CD163: variants seen among roughly 807,000 people sequenced by gnomAD.
CD163 encodes the protein scavenger receptor cysteine-rich type 1 protein M130.
CD163 carries 64 observed loss-of-function variants against 129.2 expected under a neutral mutation model. That is an observed-to-expected ratio of 0.50 (90% CI 0.41 to 0.61). CD163 has a LOEUF of 0.61. Among genes scored for constraint, CD163 ranks in the 20% least tolerant of loss-of-function variants. The pLI, the probability that CD163 is intolerant of heterozygous loss-of-function variation, is 0.00. For synonymous variants in CD163, 446 were observed against 478.5 expected, an observed-to-expected ratio of 0.93 and a Z score of 0.89; for missense variants, 1,061 against 1,377.9, an observed-to-expected ratio of 0.77 and a Z score of 3.64.
At chr12:7,472,303 A>G (rs1257769460) in intron 16 of CD163, among the ~76,000 whole-genome samples, 1 of 152,194 alleles carries the variant, frequency 6.6e-6, no homozygotes, top group Non-Finnish European at 1.5e-5. Flanking sequence ...AGGGGTCAAC[A>G]GACACCTCAT....
chr12:7,490,635 G>T (rs951501928), intron 6 of CD163, among the ~76,000 whole-genome samples: 1 of 151,856 alleles, frequency 6.6e-6, no homozygotes, highest in Non-Finnish European at 1.5e-5. Flanking sequence ...TACACCATCA[G>T]CCCTTGCCAA....
Position 7,502,481 on chromosome 12 carries a change from G to A in CD163, c.130C>T (p.Leu44Phe). ...GTAAATTTGACAAAGTACTCACCAA[G>A]AGAACTGGTGACAAAACAGGCACTG... ...LLSACFVTSS[L>F]GGTDKELRLV... The change falls in exon 2 of 17, where the codon CTT becomes TTT. Residue 44 changes from leucine to phenylalanine, a missense_variant. Physicochemically the swap from Leu to Phe is conservative, Grantham distance 22. Transcript: ENST00000432237. 1 of 1,578,298 alleles carries A rather than the reference G, an allele frequency of 6.3e-7. No homozygotes were observed. Among genetic ancestry groups the A allele is most frequent in the Non-Finnish European group, 8.7e-7 (1 of 1,147,252 alleles).
rs1221291930 is a variant in CD163 at position 7,496,550 on chromosome 12, GCT to G, written c.1099+261_1099+262del. On this transcript the variant is annotated intron_variant, in intron 5 of 16. Coordinates refer to ENST00000432237, the MANE Select transcript of CD163 (RefSeq NM_203416.4). The surrounding 1 kb of genome is among the most constrained non-coding windows in gnomAD (Gnocchi z 4.8). ...TTCCTAGGAAATTTTGTCTCTCTGA[GCT>G]CCAGGTAGATTCTGAGTTTGAAGTG... Among the ~76,000 whole-genome samples, 2 of 152,128 alleles carry G rather than the reference GCT, an allele frequency of 1.3e-5. No homozygotes were observed. The highest frequency in any genetic ancestry group is 4.8e-5 in the African/African-American group (2 of 41,420).
chr12:7,494,824 A>G (rs1949377202), intron 6 of CD163, among the ~76,000 whole-genome samples: 1 of 152,202 alleles, frequency 6.6e-6, no homozygotes, highest in African/African-American at 2.4e-5. Context: ...CTATTTTTTA[A>G]ATTTTAATCC....
At chr12:7,497,352 G>C (rs1454776436) in intron 4 of CD163, among the ~76,000 whole-genome samples, 3 of 152,174 alleles carry the variant, frequency 2.0e-5, no homozygotes, top group African/African-American at 7.2e-5. Flanking sequence ...TATACTACAG[G>C]AAGTGTTTCT....
In CD163 at chr12:7,486,650, A is replaced by G. The variant is rs1949253271; in HGVS notation, c.2307T>C (p.Thr769=). The change falls in exon 10 of 17, where the codon ACT becomes ACC. Residue 769 remains threonine (T), a synonymous_variant. Coordinates refer to ENST00000432237, the MANE Select transcript of CD163 (RefSeq NM_203416.4). ...TTCCTTCCCCAAAATGAGCAGAACC[A>G]GTGGCATTAATGGCCTCTCCACAGC... ...QLGCGEAINA[T]GSAHFGEGTG... 6.2e-7 allele frequency: 1 copy of G among 1,614,048 alleles called. No individual in the cohort carries two copies.
rs892282917 is a variant in CD163, at chr12:7,496,197, C to G, written c.1099+616G>C. On this transcript the variant is annotated intron_variant, in intron 5 of 16. Coordinates refer to ENST00000432237, the MANE Select transcript of CD163 (RefSeq NM_203416.4). The surrounding 1 kb of genome is among the most constrained non-coding windows in gnomAD (Gnocchi z 4.8). ...GAAGGGACACAGATGAAGCTAGAAA[C>G]CATCATCCTCAGCAAACTAACACAC... Among the ~76,000 whole-genome samples the G allele has an allele frequency of 6.6e-6, 1 of 152,006 alleles. No homozygotes were observed. The highest frequency in any genetic ancestry group is 1.5e-5 in the Non-Finnish European group (1 of 67,992).
chr12:7,480,957 C>T, intron 15 of CD163: 1 of 1,267,744 alleles, frequency 7.9e-7, no homozygotes, highest in South Asian at 2.6e-5. Flanking sequence ...AATCACAGGC[C>T]TCTTAAGCTA....
Position 7,482,765 on chromosome 12 carries a change from A to T in CD163, c.3128-3T>A, listed in dbSNP as rs202087182. On this transcript the variant is annotated splice_polypyrimidine_tract_variant and splice_region_variant and intron_variant, in intron 13 of 16. Transcript: ENST00000432237. ...GGATGACTGACGGGATGAGCGACCT[A>T]AGTAAAAGTAAATATCAAGAGATAT... 2,005 of 1,613,766 alleles carry T rather than the reference A, an allele frequency of 1.2e-3. 2 individuals are homozygous for T. The highest frequency in any genetic ancestry group is 1.6e-3 in the Non-Finnish European group (1,874 of 1,179,866).
chr12:7,492,042 G>A (rs1041301105), intron 6 of CD163, among the ~76,000 whole-genome samples: 7 of 152,036 alleles, frequency 4.6e-5, no homozygotes, highest in African/African-American at 1.4e-4. Context: ...CAGGCACAGA[G>A]ACAGCATATC....
At chr12:7,498,437 GA>G (rs1041936620) in intron 4 of CD163, among the ~76,000 whole-genome samples, 1 of 152,152 alleles carries the variant, frequency 6.6e-6, no homozygotes, top group African/African-American at 2.4e-5. Context: ...CTGTGAACTT[GA>G]AAAATGATTT....
intron 1 of CD163, among the ~76,000 whole-genome samples, chr12:7,503,030 T>A (rs1397925998): frequency 6.6e-6 from 1 of 152,180 alleles, no homozygotes. Flanking sequence ...ATATCTATCA[T>A]GTTCACCATA....
chr12:7,494,123 T>C (rs1269674797), intron 6 of CD163, among the ~76,000 whole-genome samples: 1 of 152,216 alleles, frequency 6.6e-6, no homozygotes, highest in Admixed American at 6.5e-5. Flanking sequence ...ATGAAATATC[T>C]CAAATAATAT....
intron 3 of CD163, among the ~76,000 whole-genome samples, chr12:7,500,085 A>G (rs751369253): frequency 1.3e-5 from 2 of 152,000 alleles, no homozygotes; most frequent in Admixed American, 6.6e-5. Flanking sequence ...AGTCAGTCCT[A>G]TGGGAGAGAG....
chr12:7,499,312 T>C (rs1369217505), intron 3 of CD163, 124 bp from the exon 4 acceptor site: 3 of 776,122 alleles, frequency 3.9e-6, no homozygotes, highest in South Asian at 1.8e-5. Context: ...ATTTTGGACA[T>C]TGCCCAGCTC....
intron 4 of CD163, 64 bp downstream of exon 4, chr12:7,498,804 A>G (rs1949437554): frequency 1.4e-6 from 2 of 1,442,834 alleles, no homozygotes; most frequent in Non-Finnish European, 1.9e-6. Flanking sequence ...CAGGCTCTTA[A>G]GATTTATTAC....
intron 16 of CD163, among the ~76,000 whole-genome samples, chr12:7,472,358 G>A (rs960943732): frequency 1.8e-4 from 28 of 152,200 alleles, no homozygotes; most frequent in Non-Finnish European, 4.0e-4. Context: ...CCTCTGGGAC[G>A]AAACTTCCAG....
intron 5 of CD163, among the ~76,000 whole-genome samples, chr12:7,495,961 G>A (rs867911317): frequency 2.0e-5 from 3 of 152,024 alleles, no homozygotes; most frequent in Admixed American, 6.6e-5. Context: ...TTGACCCAGC[G>A]ATCCCATTAC....
At chr12:7,503,590 TA>T in intron 1 of CD163, 54 bp downstream of exon 1, 1 of 1,178,138 alleles carries the variant, frequency 8.5e-7, no homozygotes, top group Non-Finnish European at 1.3e-6. Flanking sequence ...TTGACTGTCA[TA>T]ATAATTACAT....
Sources: allele counts gnomAD v4.1 joint callset (sites outside exome capture counted in the v4.1 genomes callset), GRCh38; gene constraint gnomAD v4.1.1; non-coding constraint Gnocchi (gnomAD v3.1); transcripts MANE v1.5; gene names NCBI Gene and HGNC (gene_info 2026-07-23, HGNC 2026-07-21).